CPQ: variants seen among roughly 807,000 people sequenced by gnomAD.
The protein encoded by CPQ is carboxypeptidase Q.
CPQ carries 37 observed loss-of-function variants against 45.7 expected under a neutral mutation model. The observed-to-expected ratio is 0.81, with a 90% confidence interval of 0.62 to 1.07. The LOEUF (loss-of-function observed/expected upper bound fraction) is 1.07, where lower values mean the gene tolerates loss of function less well. CPQ is among the 50% of genes least tolerant of loss of function. The probability of loss-of-function intolerance (pLI) is 0.00; values close to 1 mark genes in which losing one functional copy is unlikely to be tolerated. For missense variants in CPQ, 537 were observed against 572.9 expected (o/e 0.94, Z 0.64); for synonymous variants, 186 against 205.8 (o/e 0.90, Z 0.82).
Position 96,740,911 on chromosome 8 carries a change from G to A in CPQ, c.-34-43953G>A, listed in dbSNP as rs541341471. On this transcript the variant is annotated intron_variant, in intron 1 of 7. Transcript: ENST00000220763. ...TGCATCAATGTTCATCAAGGATATT[G>A]GTCTAAAATTCTCTTTTTTGGTTGT... 7.4e-3 allele frequency among the ~76,000 whole-genome samples: 1,127 copies of A among 152,216 alleles called. 7 individuals carry two copies. The highest frequency in any genetic ancestry group is 0.023 in the African/African-American group (946 of 41,528).
At chr8:96,868,802 T>G (rs1664572781) in intron 3 of CPQ, among the ~76,000 whole-genome samples, 1 of 151,976 alleles carries the variant, frequency 6.6e-6, no homozygotes, top group Admixed American at 6.6e-5. Context: ...AATTTTCATG[T>G]TTTTCCTACA....
At chr8:97,121,131 T>C (rs550573496) in intron 7 of CPQ, among the ~76,000 whole-genome samples, 24 of 152,320 alleles carry the variant, frequency 1.6e-4, no homozygotes, top group Middle Eastern at 3.4e-3. Flanking sequence ...CAGTGCTGTA[T>C]TGACAAGTAA....
At chr8:96,958,233 GTGCACTGTACCA>G (rs1164348527) in intron 4 of CPQ, among the ~76,000 whole-genome samples, 6 of 152,106 alleles carry the variant, frequency 3.9e-5, no homozygotes, top group African/African-American at 1.4e-4. Context: ...AGTTTTAGCT[GTGCACTGTACCA>G]TGCTTGGATT....
chr8:97,137,868 G>A (rs565025817), intron 7 of CPQ, among the ~76,000 whole-genome samples: 17 of 151,334 alleles, frequency 1.1e-4, no homozygotes, highest in African/African-American at 2.4e-4. Flanking sequence ...CAGCCTGGGC[G>A]AAGAGCAAGA....
intron 1 of CPQ, among the ~76,000 whole-genome samples, chr8:96,678,988 T>G (rs1809112494): frequency 1.3e-5 from 2 of 152,176 alleles, no homozygotes; most frequent in South Asian, 4.1e-4. Flanking sequence ...AAAAATCTAA[T>G]GTCCTGAATT....
At chr8:96,715,307 C>A (rs1338040353) in intron 1 of CPQ, among the ~76,000 whole-genome samples, 1 of 152,134 alleles carries the variant, frequency 6.6e-6, no homozygotes, top group Non-Finnish European at 1.5e-5. Context: ...GCCAGGCCAG[C>A]AGGAAAGCAA....
chr8:96,703,602 G>A lies in CPQ; in HGVS notation c.-35+58200G>A, dbSNP rs188898230. 2.3e-3 allele frequency among the ~76,000 whole-genome samples: 355 copies of A among 152,160 alleles called. 3 individuals carry two copies. The Middle Eastern group carries it at 0.034, about 15-fold the overall frequency. Reference sequence around the variant, plus strand: ...AGCAAGTTGTTCTAATTGCCTTCTGGTTGATTACATACTATTTGTTGAGTA... The same window carrying A: ...AGCAAGTTGTTCTAATTGCCTTCTGATTGATTACATACTATTTGTTGAGTA... On this transcript the variant is annotated intron_variant, in intron 1 of 7. Transcript: ENST00000220763.
chr8:96,653,470 A>G (rs1326293968), intron 1 of CPQ, among the ~76,000 whole-genome samples: 2 of 152,188 alleles, frequency 1.3e-5, no homozygotes, highest in Admixed American at 6.5e-5. Context: ...TCCTTGAGCA[A>G]TGCGGGGCTT....
chr8:96,713,694 A>C (rs923794622), intron 1 of CPQ, among the ~76,000 whole-genome samples: 5 of 152,126 alleles, frequency 3.3e-5, no homozygotes, highest in African/African-American at 9.7e-5. Flanking sequence ...ACTACAACTC[A>C]AGATGAGATT....
intron 1 of CPQ, among the ~76,000 whole-genome samples, chr8:96,755,759 C>G (rs1456731416): frequency 1.3e-5 from 2 of 151,686 alleles, no homozygotes; most frequent in Non-Finnish European, 2.9e-5. Flanking sequence ...TTTTATTTAT[C>G]CTTATAATAA....
At chr8:96,815,121 T>G in intron 2 of CPQ, among the ~76,000 whole-genome samples, 1 of 152,044 alleles carries the variant, frequency 6.6e-6, no homozygotes, top group East Asian at 1.9e-4. Flanking sequence ...CTCTGTGAAA[T>G]ACTAAGAACC....
At chr8:96,694,619 G>C (rs1021537198) in intron 1 of CPQ, among the ~76,000 whole-genome samples, 1 of 151,904 alleles carries the variant, frequency 6.6e-6, no homozygotes, top group East Asian at 1.9e-4. Flanking sequence ...AATAACAAGA[G>C]GAACTTTGGA....
chr8:96,734,047 G>T (rs1809946615), intron 1 of CPQ, among the ~76,000 whole-genome samples: 3 of 152,210 alleles, frequency 2.0e-5, no homozygotes, highest in African/African-American at 4.8e-5. Flanking sequence ...GGCAGAACAT[G>T]GTAGACCTCT....
At chr8:96,738,322 T>C (rs920959691) in intron 1 of CPQ, among the ~76,000 whole-genome samples, 1 of 152,174 alleles carries the variant, frequency 6.6e-6, no homozygotes, top group East Asian at 1.9e-4. Flanking sequence ...CTTCCATTTA[T>C]GTGGATTTGT....
chr8:97,040,326 G>T (rs1409893969), intron 6 of CPQ, among the ~76,000 whole-genome samples: 3 of 151,886 alleles, frequency 2.0e-5, no homozygotes, highest in African/African-American at 7.3e-5. Context: ...TTTTTGATGG[G>T]GTTGTTTGTT....
chr8:96,987,727 C>G (rs1373047764), intron 5 of CPQ, among the ~76,000 whole-genome samples: 1 of 152,172 alleles, frequency 6.6e-6, no homozygotes. Flanking sequence ...AACTTTTAAC[C>G]TAGGCAATCT....
At chr8:97,017,328 G>A (rs182301442) in intron 5 of CPQ, among the ~76,000 whole-genome samples, 1 of 152,330 alleles carries the variant, frequency 6.6e-6, no homozygotes, top group East Asian at 1.9e-4. Flanking sequence ...GGGTGCTAGA[G>A]GCACTGGGAA....
In CPQ at chr8:96,851,675, A is replaced by G. The variant is rs571767843; in HGVS notation, c.641+16495A>G. 2.0e-5 allele frequency among the ~76,000 whole-genome samples: 3 copies of G among 152,314 alleles called. No individual in the cohort carries two copies. In the South Asian group the frequency reaches 6.2e-4, roughly 32 times the overall value. On this transcript the variant is annotated intron_variant, in intron 3 of 7. Coordinates refer to ENST00000220763, the MANE Select transcript of CPQ (RefSeq NM_016134.4). Reference sequence around the variant, plus strand: ...ACCACTTAATATCATCACATTGGCCATTATAAGTGTCAACACCTGTATTTT... The same window carrying G: ...ACCACTTAATATCATCACATTGGCCGTTATAAGTGTCAACACCTGTATTTT...
chr8:96,974,819 A>G (rs1813747486), intron 5 of CPQ, among the ~76,000 whole-genome samples: 1 of 152,110 alleles, frequency 6.6e-6, no homozygotes. Context: ...GAACTGAATA[A>G]TAATAGTGAC....
Sources: gnomAD v4.1 joint callset for allele counts (sites outside exome capture counted in the v4.1 genomes callset) on GRCh38, gnomAD v4.1.1 for gene constraint, MANE v1.5 for transcripts, NCBI Gene and HGNC (gene_info 2026-07-23, HGNC 2026-07-21) for gene names.